CSMD2: variants seen among roughly 807,000 people sequenced by gnomAD.
The protein encoded by CSMD2 is CUB and Sushi multiple domains 2, also known as CUB and sushi domain-containing protein 2.
In CSMD2, 130 loss-of-function variants were observed where a neutral mutation model predicts 398.5. The ratio of observed to expected loss-of-function variants is 0.33; its 90% CI spans 0.28 to 0.38. CSMD2 has a LOEUF of 0.38. Among genes scored for constraint, CSMD2 ranks in the 10% least tolerant of loss-of-function variants. CSMD2 has a pLI of 1.00. For synonymous variants in CSMD2, 1,828 were observed against 1,908.5 expected, an observed-to-expected ratio of 0.96 and a Z score of 1.10; for missense variants, 3,829 against 4,764.9, an observed-to-expected ratio of 0.80 and a Z score of 5.78.
chr1:33,756,807 G>A (rs1046551647), intron 13 of CSMD2, among the ~76,000 whole-genome samples: 2 of 152,126 alleles, frequency 1.3e-5, no homozygotes, highest in Non-Finnish European at 1.5e-5. Context: ...CCATTACTGG[G>A]TATATACCCA....
At chr1:34,161,702 G>A (rs988176210) in intron 1 of CSMD2, among the ~76,000 whole-genome samples, 1 of 152,182 alleles carries the variant, frequency 6.6e-6, no homozygotes, top group African/African-American at 2.4e-5. Context: ...AGAGGTTGAA[G>A]TAAGGAGTGA....
chr1:33,893,909 C>T (rs1284522423), intron 5 of CSMD2, among the ~76,000 whole-genome samples: 1 of 152,176 alleles, frequency 6.6e-6, no homozygotes. Context: ...GTGGCTGATA[C>T]TGGACTTTGA....
intron 2 of CSMD2, among the ~76,000 whole-genome samples, chr1:34,055,087 C>G (rs979481362): frequency 1.3e-5 from 2 of 152,140 alleles, no homozygotes; most frequent in East Asian, 3.9e-4. Flanking sequence ...GGCATGGTGA[C>G]AAGACCCTTT....
chr1:33,636,347 A>C lies in CSMD2; in HGVS notation c.4969+13T>G. The C allele has an allele frequency of 4.4e-6, 7 of 1,581,542 alleles. No homozygotes were observed. Among genetic ancestry groups the C allele is most frequent in the Non-Finnish European group, 5.2e-6 (6 of 1,161,890 alleles). ...AGTTCCTCAGACCCCTGCCATCCCC[A>C]GGCTTCCACCACCTGTGCAGACTGG... On this transcript the variant is annotated intron_variant, in intron 30 of 70. Transcript: ENST00000373381. This position sits in a 1 kb window ranked among gnomAD's most constrained non-coding sequence, Gnocchi z 4.8.
At chr1:33,681,524 G>A (rs1242230073) in intron 25 of CSMD2, among the ~76,000 whole-genome samples, 1 of 152,190 alleles carries the variant, frequency 6.6e-6, no homozygotes, top group Non-Finnish European at 1.5e-5. Flanking sequence ...GTAGGGACTA[G>A]AGGCCCAAGT....
rs1421630375 is a variant in CSMD2 at position 33,989,029 on chromosome 1, T to C, written c.517+43565A>G. Among the ~76,000 whole-genome samples the C allele has an allele frequency of 5.1e-4, 13 of 25,274 alleles. No homozygotes were observed. The South Asian group carries it at 5.7e-3, about 11-fold the overall frequency. The allele number at this position is 25,274 out of a possible 152,430, so 16.6% of individuals were successfully genotyped here. A position where few individuals can be genotyped will look rare whatever the true frequency, so the allele number is the denominator to read the frequency against. On this transcript the variant is annotated intron_variant, in intron 3 of 70. Coordinates refer to ENST00000373381, the MANE Select transcript of CSMD2 (RefSeq NM_001281956.2). ...CTCTCTCTCCATATATATATATATA[T>C]ATATATATATATATATATATATATA...
chr1:34,014,803 G>A (rs961583219), intron 3 of CSMD2, among the ~76,000 whole-genome samples: 1 of 152,178 alleles, frequency 6.6e-6, no homozygotes, highest in Admixed American at 6.5e-5. Flanking sequence ...AAACACCTAG[G>A]TTTGCATAAC....
chr1:34,130,931 A>T (rs758268190), intron 1 of CSMD2, among the ~76,000 whole-genome samples: 3 of 152,096 alleles, frequency 2.0e-5, no homozygotes, highest in Admixed American at 6.6e-5. Context: ...CCTATCCAGG[A>T]ATCAAGAAAA....
At chr1:33,656,973 G>T (rs1643965745) in intron 27 of CSMD2, among the ~76,000 whole-genome samples, 1 of 152,182 alleles carries the variant, frequency 6.6e-6, no homozygotes, top group Admixed American at 6.5e-5. Flanking sequence ...GAGCAAAATA[G>T]ACATGTGGAA....
chr1:33,999,283 T>C (rs188146014), intron 3 of CSMD2, among the ~76,000 whole-genome samples: 9 of 152,262 alleles, frequency 5.9e-5, no homozygotes, highest in Admixed American at 4.6e-4. Flanking sequence ...TTCCCTGAGA[T>C]GAACAAAGAG....
intron 3 of CSMD2, among the ~76,000 whole-genome samples, chr1:33,949,476 C>G (rs1348488188): frequency 6.6e-6 from 1 of 152,186 alleles, no homozygotes; most frequent in Non-Finnish European, 1.5e-5. Context: ...AAAGACCTCC[C>G]GTACAGCCTA....
chr1:33,695,869 T>A (rs1312614916), intron 24 of CSMD2, among the ~76,000 whole-genome samples: 1 of 152,194 alleles, frequency 6.6e-6, no homozygotes, highest in Non-Finnish European at 1.5e-5. Context: ...CGCTGTGACA[T>A]CTTTTGTGAC....
chr1:34,161,720 T>C (rs913956839), intron 1 of CSMD2, among the ~76,000 whole-genome samples: 5 of 152,092 alleles, frequency 3.3e-5, no homozygotes, highest in Admixed American at 3.3e-4. Context: ...TGACGGGTAG[T>C]AGAGAAAACT....
chr1:33,864,889 AG>A, intron 5 of CSMD2: 1 of 543,724 alleles, frequency 1.8e-6, no homozygotes. Flanking sequence ...GATCCTGAGG[AG>A]GGGAACGGAG....
chr1:33,969,576 G>C (rs1165485281), intron 3 of CSMD2, among the ~76,000 whole-genome samples: 2 of 152,162 alleles, frequency 1.3e-5, no homozygotes, highest in Non-Finnish European at 2.9e-5. Context: ...TTGTGAATTA[G>C]GTATTATTAT....
At chr1:33,708,591 CTTATTA>C (rs59695412) in intron 22 of CSMD2, among the ~76,000 whole-genome samples, 1 of 141,084 alleles carries the variant, frequency 7.1e-6, no homozygotes, top group Non-Finnish European at 1.5e-5. Flanking sequence ...TCCAACCGAA[CTTATTA>C]TTATTATTAT....
At chr1:33,662,077 G>A (rs1181076686) in intron 26 of CSMD2, among the ~76,000 whole-genome samples, 2 of 152,170 alleles carry the variant, frequency 1.3e-5, no homozygotes, top group Non-Finnish European at 2.9e-5. Flanking sequence ...ATGAGATGAT[G>A]CATTCCAGGG....
At chr1:33,738,757 G>C (rs575689593) in intron 15 of CSMD2, among the ~76,000 whole-genome samples, 1 of 152,222 alleles carries the variant, frequency 6.6e-6, no homozygotes, top group South Asian at 2.1e-4. Context: ...AAGAGTGACA[G>C]GCAGCTTGAA....
chr1:34,070,002 C>G (rs951104151), intron 2 of CSMD2, among the ~76,000 whole-genome samples: 1 of 152,162 alleles, frequency 6.6e-6, no homozygotes, highest in Non-Finnish European at 1.5e-5. Context: ...TTACTCCAGG[C>G]AATCAGCACC....
Sources: gnomAD v4.1 joint callset for allele counts (sites outside exome capture counted in the v4.1 genomes callset) on GRCh38, gnomAD v4.1.1 for gene constraint, Gnocchi (gnomAD v3.1) non-coding constraint, MANE v1.5 for transcripts, NCBI Gene and HGNC (gene_info 2026-07-23, HGNC 2026-07-21) for gene names.